PITPNM2: variants seen among roughly 807,000 people sequenced by gnomAD.
PITPNM2 encodes the protein phosphatidylinositol transfer protein membrane associated 2, also known as membrane-associated phosphatidylinositol transfer protein 2.
In PITPNM2, 35 loss-of-function variants were observed where a neutral mutation model predicts 132.2. The observed-to-expected ratio is 0.26, with a 90% CI of 0.20 to 0.35. The LOEUF (loss-of-function observed/expected upper bound fraction) is 0.35, where lower values mean the gene tolerates loss of function less well. Ranked by LOEUF, PITPNM2 falls within the 10% of genes least tolerant of loss-of-function variation. The pLI, the probability that PITPNM2 is intolerant of heterozygous loss-of-function variation, is 1.00. For missense variants in PITPNM2, 1,332 were observed against 1,912.0 expected, an observed-to-expected ratio of 0.70 and a Z score of 5.66; for synonymous variants, 738 against 799.2, an observed-to-expected ratio of 0.92 and a Z score of 1.29.
chr12:122,986,831 T>TG lies in PITPNM2; in HGVS notation c.3414-3dup. ...AGGTAGCCCAGGTCCTGCCAGTGCC[T>TG]GGGGGTGAGGTGTCGTCTCATGGTC... On this transcript the variant is annotated splice_region_variant and splice_polypyrimidine_tract_variant and intron_variant, in intron 23 of 25. Transcript: ENST00000320201. 11 of 1,607,218 alleles carry TG rather than the reference T, an allele frequency of 6.8e-6. No individual in the cohort carries two copies. The highest frequency in any genetic ancestry group is 9.3e-6 in the Non-Finnish European group (11 of 1,176,668).
At chr12:123,027,887 C>A (rs2039923154) in intron 3 of PITPNM2, among the ~76,000 whole-genome samples, 1 of 152,230 alleles carries the variant, frequency 6.6e-6, no homozygotes, top group South Asian at 2.1e-4. Flanking sequence ...GGGGCAGGCC[C>A]CTCCTGGCAC....
At chr12:123,133,729 G>T (rs1035399809) in intron 1 of PITPNM2, among the ~76,000 whole-genome samples, 2 of 151,870 alleles carry the variant, frequency 1.3e-5, no homozygotes, top group African/African-American at 4.8e-5. Context: ...GAAACATGAG[G>T]AATGTGGAAA....
Position 123,068,889 on chromosome 12 carries a change from A to G in PITPNM2, c.-95-34204T>C, listed in dbSNP as rs531295624. ...GATAATGTCAGAGCCAAGATGGTTAAGTCCAGCTTTTCTCAAACTGAAGTA... is the reference window on the plus strand; with the variant it reads ...GATAATGTCAGAGCCAAGATGGTTAGGTCCAGCTTTTCTCAAACTGAAGTA... On this transcript the variant is annotated intron_variant, in intron 2 of 25. Transcript: ENST00000320201. Among the ~76,000 whole-genome samples the G allele has an allele frequency of 1.4e-4, 21 of 152,348 alleles. 1 individual carries two copies. The South Asian group carries it at 3.5e-3, about 26-fold the overall frequency.
chr12:123,127,136 C>T (rs1191224305), intron 1 of PITPNM2, among the ~76,000 whole-genome samples: 1 of 152,194 alleles, frequency 6.6e-6, no homozygotes, highest in Non-Finnish European at 1.5e-5. Flanking sequence ...TAATGGACTT[C>T]CAGGCTCTGT....
At chr12:123,028,971 T>A (rs1430320114) in intron 3 of PITPNM2, among the ~76,000 whole-genome samples, 2 of 152,090 alleles carry the variant, frequency 1.3e-5, no homozygotes, top group African/African-American at 4.8e-5. Context: ...GGTCTCCAAG[T>A]CGGGGTGGCC....
chr12:123,053,168 AG>A (rs1260616841), intron 2 of PITPNM2, among the ~76,000 whole-genome samples: 1 of 151,960 alleles, frequency 6.6e-6, no homozygotes, highest in Non-Finnish European at 1.5e-5. Flanking sequence ...TACAGGTGTA[AG>A]CCACCTTGCC....
intron 1 of PITPNM2, among the ~76,000 whole-genome samples, chr12:123,127,035 G>C (rs998463785): frequency 6.6e-6 from 1 of 152,176 alleles, no homozygotes; most frequent in African/African-American, 2.4e-5. Flanking sequence ...AAGCTACAGG[G>C]AATTTCTGAG....
chr12:123,011,835 C>T (rs1158008122), intron 5 of PITPNM2, among the ~76,000 whole-genome samples: 1 of 152,164 alleles, frequency 6.6e-6, no homozygotes, highest in Non-Finnish European at 1.5e-5. Context: ...AGACTTCTGG[C>T]CTCCAGAGCC....
chr12:122,989,054 G>A (rs61955213), intron 18 of PITPNM2, among the ~76,000 whole-genome samples, 182 bp from the exon 19 acceptor site: 26 of 152,198 alleles, frequency 1.7e-4, no homozygotes, highest in Non-Finnish European at 2.5e-4. Context: ...GCAAAAGCAC[G>A]CAGACCCAGG....
At chr12:122,998,436 G>A (rs2038521531) in intron 10 of PITPNM2, among the ~76,000 whole-genome samples, 2 of 152,062 alleles carry the variant, frequency 1.3e-5, no homozygotes, top group African/African-American at 4.8e-5. Context: ...GGCTGGATCA[G>A]AATCTGAAGC....
chr12:122,992,024 G>T lies in PITPNM2; in HGVS notation c.2404+475C>A. The T allele has an allele frequency of 1.1e-6, 1 of 917,606 alleles. No individual in the cohort carries two copies. The highest frequency in any genetic ancestry group is 1.4e-6 in the Non-Finnish European group (1 of 695,438). 56.8% of individuals were successfully genotyped at this position (917,606 alleles called of 1,614,324 possible). A position where few individuals can be genotyped will look rare whatever the true frequency, so the allele number is the denominator to read the frequency against. Reference sequence around the variant, plus strand: ...GACGTGACAAGACGCTGGGACACACGCTGGGGCAGGGGTCGGGCCAAGCCT... The same window carrying T: ...GACGTGACAAGACGCTGGGACACACTCTGGGGCAGGGGTCGGGCCAAGCCT... On this transcript the variant is annotated intron_variant, in intron 16 of 25. Transcript: ENST00000320201. The surrounding 1 kb of genome is among the most constrained non-coding windows in gnomAD (Gnocchi z 6.5).
At chr12:123,080,860 TA>T (rs1188171829) in intron 2 of PITPNM2, among the ~76,000 whole-genome samples, 8 of 152,298 alleles carry the variant, frequency 5.3e-5, no homozygotes. Flanking sequence ...CGCCACCCAA[TA>T]GAACTTTCCC....
chr12:123,003,852 C>A (rs112484459), intron 8 of PITPNM2, among the ~76,000 whole-genome samples: 2,652 of 152,358 alleles, frequency 0.017, 38 homozygotes, highest in South Asian at 0.041. Flanking sequence ...CAGGCGAGCG[C>A]TGTATGCATG....
Position 123,026,360 on chromosome 12 carries a change from T to C in PITPNM2, c.78+8153A>G, listed in dbSNP as rs544439976. Among the ~76,000 whole-genome samples, 8 of 152,232 alleles carry C rather than the reference T, an allele frequency of 5.3e-5. No homozygotes were observed. The South Asian group carries it at 1.4e-3, about 28-fold the overall frequency. ...AGAAGCTGGAAGAGACAAGGAAGGG[T>C]CTACCCGTAGAACCTTTGGAGGAAG... On this transcript the variant is annotated intron_variant, in intron 3 of 25. Transcript: ENST00000320201.
Position 123,005,254 on chromosome 12 carries a change from G to T in PITPNM2, c.938C>A (p.Ser313Ter). The T allele has an allele frequency of 6.2e-7, 1 of 1,612,070 alleles. No homozygotes were observed. The highest frequency in any genetic ancestry group is 1.1e-5 in the South Asian group (1 of 91,002). Residue 313 changes from serine to a stop codon, truncating the protein, a stop_gained, in exon 7 of 26, where the codon TCG becomes TAG. Coordinates refer to ENST00000320201, the MANE Select transcript of PITPNM2 (RefSeq NM_020845.3). LOFTEE classifies it high-confidence loss of function. The surrounding 1 kb of genome is among the most constrained non-coding windows in gnomAD (Gnocchi z 6.2). ...QWSTSSKSSR[S>*]SKRGASPSRH... ...CAGGGCCTTACCTCCCCGCTTGGAC[G>T]ACCGAGACGACTTGGAGGATGTGGA...
At chr12:123,142,143 T>A (rs1280201538) in intron 1 of PITPNM2, among the ~76,000 whole-genome samples, 1 of 152,170 alleles carries the variant, frequency 6.6e-6, no homozygotes, top group African/African-American at 2.4e-5. Context: ...CTCTGGTGAG[T>A]CACCCAAGGC....
chr12:123,080,628 C>T (rs2041931017), intron 2 of PITPNM2, among the ~76,000 whole-genome samples: 1 of 152,262 alleles, frequency 6.6e-6, no homozygotes, highest in African/African-American at 2.4e-5. Flanking sequence ...CTCCAGCCTC[C>T]TCCAACCCAT....
chr12:123,110,538 T>C (rs528720397), intron 1 of PITPNM2, 50 bp from the exon 2 acceptor site: 1 of 152,448 alleles, frequency 6.6e-6, no homozygotes, highest in South Asian at 2.1e-4. Context: ...TGGACTCTGA[T>C]CACTCCACAC....
chr12:123,000,749 C>A lies in PITPNM2; in HGVS notation c.1224+29G>T. The A allele has an allele frequency of 6.2e-7, 1 of 1,612,204 alleles. No individual in the cohort carries two copies. Among genetic ancestry groups the A allele is most frequent in the Non-Finnish European group, 8.5e-7 (1 of 1,178,964 alleles). On this transcript the variant is annotated intron_variant, in intron 10 of 25. Coordinates refer to ENST00000320201, the MANE Select transcript of PITPNM2 (RefSeq NM_020845.3). This position sits in a 1 kb window ranked among gnomAD's most constrained non-coding sequence, Gnocchi z 5.4. ...CCTGCCCCTCCCTTGGCGGCCATGC[C>A]CCTGTCCCTCTGACACCCGGGCACC...
Sources: allele counts gnomAD v4.1 joint callset (sites outside exome capture counted in the v4.1 genomes callset), GRCh38; gene constraint gnomAD v4.1.1; non-coding constraint Gnocchi (gnomAD v3.1); transcripts MANE v1.5; gene names NCBI Gene and HGNC (gene_info 2026-07-23, HGNC 2026-07-21).